PCM1: variants seen among roughly 807,000 people sequenced by gnomAD.
The protein encoded by PCM1 is pericentriolar material 1.
PCM1 carries 157 observed loss-of-function variants against 241.9 expected under a neutral mutation model. The observed-to-expected ratio is 0.65, with a 90% CI of 0.57 to 0.74. The LOEUF is 0.74. PCM1 is among the 30% of genes least tolerant of loss of function. The pLI is 0.00. For synonymous variants in PCM1, 1,085 were observed against 784.9 expected (o/e 1.38, Z -6.39); for missense variants, 3,478 against 2,360.1 (o/e 1.47, Z -9.81).
chr8:17,941,532 T>TG (rs1042515299), intron 6 of PCM1, among the ~76,000 whole-genome samples: 19 of 151,406 alleles, frequency 1.3e-4, no homozygotes, highest in African/African-American at 3.1e-4. Context: ...TTTTGTTTTT[T>TG]TTTTTTTTTA....
In PCM1 at chr8:17,943,110, A is replaced by T. The variant is rs1252358850; in HGVS notation, c.783+3249A>T. 2.0e-5 allele frequency among the ~76,000 whole-genome samples: 3 copies of T among 150,532 alleles called. No individual in the cohort carries two copies. The East Asian group carries it at 5.8e-4, about 29-fold the overall frequency. On this transcript the variant is annotated intron_variant, in intron 6 of 38. Coordinates refer to ENST00000325083, the MANE Select transcript of PCM1 (RefSeq NM_006197.4). ...TGAGTATAGGTAAGACTAATTTCAT[A>T]TGTTTTATTACTGGTTTATTACCTA...
In PCM1 at chr8:17,966,393, A is replaced by G; in HGVS notation, c.3141A>G (p.Ala1047=). ...ACAGTGTTATGCCCAGCAATGTTGC[A>G]TCTCCTCAAGTACACTTCATAATGC... ...GPYSVMPSNV[A]SPQVHFIMHQ... is the part of the protein sequence containing the mutation. Residue 1047 remains alanine, a synonymous_variant, in exon 20 of 39, where the codon GCA becomes GCG. Transcript: ENST00000325083. 2 of 1,613,738 alleles carry G rather than the reference A, an allele frequency of 1.2e-6. No individual in the cohort carries two copies. The highest frequency in any genetic ancestry group is 2.2e-5 in the East Asian group (1 of 44,864).
At chr8:17,962,979 G>A in intron 16 of PCM1, 122 bp from the exon 17 acceptor site, 3 of 647,952 alleles carry the variant, frequency 4.6e-6, no homozygotes, top group Non-Finnish European at 5.3e-6. Flanking sequence ...ACATGTTAGT[G>A]TGAAAAGGAG....
chr8:17,975,607 A>T lies in PCM1; in HGVS notation c.3943+2920A>T, dbSNP rs193016899. Among the ~76,000 whole-genome samples the T allele has an allele frequency of 5.5e-4, 83 of 152,250 alleles. 1 individual carries two copies. The East Asian group carries it at 0.013, about 25-fold the overall frequency. ...GGAATTGGGAACGGATATGACAGATATTTCAGCATAGTGGGAATTACACTG... is the reference window on the plus strand; with the variant it reads ...GGAATTGGGAACGGATATGACAGATTTTTCAGCATAGTGGGAATTACACTG... On this transcript the variant is annotated intron_variant, in intron 23 of 38. Coordinates refer to ENST00000325083, the MANE Select transcript of PCM1 (RefSeq NM_006197.4).
chr8:17,926,889 C>T (rs1484600426), intron 2 of PCM1: 1 of 152,072 alleles, frequency 6.6e-6, no homozygotes, highest in African/African-American at 2.4e-5. Flanking sequence ...AACAAATTAT[C>T]AGTTCAGTAT....
intron 2 of PCM1, among the ~76,000 whole-genome samples, chr8:17,933,662 T>A (rs2059645934): frequency 6.6e-6 from 1 of 152,210 alleles, no homozygotes; most frequent in African/African-American, 2.4e-5. Flanking sequence ...TATATATTTG[T>A]CACTATTATA....
chr8:17,974,903 C>G (rs1214431409), intron 23 of PCM1, among the ~76,000 whole-genome samples: 2 of 148,902 alleles, frequency 1.3e-5, no homozygotes, highest in African/African-American at 5.0e-5. Flanking sequence ...AAATAAAAGG[C>G]TTGATAGCAG....
At chr8:18,014,862 A>C in intron 36 of PCM1, 22 bp downstream of exon 36, 1 of 1,541,802 alleles carries the variant, frequency 6.5e-7, no homozygotes, top group Non-Finnish European at 8.7e-7. Context: ...TTACATTTCC[A>C]AATATTTTTA....
intron 6 of PCM1, among the ~76,000 whole-genome samples, chr8:17,940,968 A>G (rs552594744): frequency 1.3e-5 from 2 of 152,200 alleles, no homozygotes; most frequent in Non-Finnish European, 2.9e-5. Context: ...GCCATTCAGC[A>G]TTAGGAATTT....
chr8:17,937,798 T>G (rs2060837788), intron 4 of PCM1, among the ~76,000 whole-genome samples: 1 of 152,196 alleles, frequency 6.6e-6, no homozygotes, highest in Non-Finnish European at 1.5e-5. Flanking sequence ...AAATAAAGTT[T>G]AGATCTAAAA....
At chr8:18,023,837 A>G (rs983958755) in intron 36 of PCM1, among the ~76,000 whole-genome samples, 22 of 152,216 alleles carry the variant, frequency 1.4e-4, no homozygotes, top group Non-Finnish European at 2.9e-5. Flanking sequence ...CACTGTGTAA[A>G]CTTGATGGAG....
chr8:17,994,241 T>A (rs1220112122), intron 29 of PCM1, among the ~76,000 whole-genome samples: 3 of 152,318 alleles, frequency 2.0e-5, no homozygotes, highest in African/African-American at 7.2e-5. Flanking sequence ...TGAGTTAAAT[T>A]GTTTTAATTT....
chr8:17,990,044 G>T, intron 27 of PCM1, 65 bp downstream of exon 27: 1 of 1,325,284 alleles, frequency 7.5e-7, no homozygotes, highest in East Asian at 2.6e-5. Flanking sequence ...CTTTGAATTG[G>T]CGTTGATAAG....
intron 21 of PCM1, 39 bp from the exon 22 acceptor site, chr8:17,969,538 T>C (rs143532326): frequency 8.5e-5 from 117 of 1,376,798 alleles, no homozygotes; most frequent in Non-Finnish European, 1.2e-4. Flanking sequence ...CTAAAGACAT[T>C]TATTTATTTT....
At chr8:17,940,914 A>T (rs551840789) in intron 6 of PCM1, among the ~76,000 whole-genome samples, 3 of 152,306 alleles carry the variant, frequency 2.0e-5, no homozygotes, top group African/African-American at 7.2e-5. Context: ...TTTTGTTTTG[A>T]GAGGATAAGC....
chr8:17,936,657 A>C (rs1468387400), intron 3 of PCM1, among the ~76,000 whole-genome samples: 1 of 152,190 alleles, frequency 6.6e-6, no homozygotes, highest in African/African-American at 2.4e-5. Flanking sequence ...AGACTATAGG[A>C]AGCAAAATAA....
At chr8:17,990,419 A>G (rs1348078606) in intron 27 of PCM1, among the ~76,000 whole-genome samples, 2 of 151,560 alleles carry the variant, frequency 1.3e-5, no homozygotes, top group Non-Finnish European at 2.9e-5. Flanking sequence ...AATAACCTGT[A>G]GTGAAAACCT....
chr8:17,977,998 C>G (rs889206279), intron 23 of PCM1, among the ~76,000 whole-genome samples: 1 of 151,884 alleles, frequency 6.6e-6, no homozygotes, highest in Non-Finnish European at 1.5e-5. Context: ...AGAGGCAAAA[C>G]CTAGTGAAAA....
At chr8:17,941,014 T>A (rs1375231490) in intron 6 of PCM1, among the ~76,000 whole-genome samples, 1 of 152,188 alleles carries the variant, frequency 6.6e-6, no homozygotes, top group East Asian at 1.9e-4. Flanking sequence ...ACCTGCATAA[T>A]TCTTACCTGC....
Sources: gnomAD v4.1 joint callset for allele counts (sites outside exome capture counted in the v4.1 genomes callset) on GRCh38, gnomAD v4.1.1 for gene constraint, MANE v1.5 for transcripts, NCBI Gene and HGNC (gene_info 2026-07-23, HGNC 2026-07-21) for gene names.